MARCHF3: variants seen among roughly 807,000 people sequenced by gnomAD.
MARCHF3 encodes the protein membrane associated ring-CH-type finger 3.
In MARCHF3, 13 loss-of-function variants were observed where a neutral mutation model predicts 24.2. That is an observed-to-expected ratio of 0.54 (90% CI 0.35 to 0.85). MARCHF3 has a LOEUF of 0.85. Ranked by LOEUF, MARCHF3 falls within the 40% of genes least tolerant of loss-of-function variation. The pLI is 0.01. For missense variants in MARCHF3, 276 were observed against 325.0 expected (o/e 0.85, Z 1.16); for synonymous variants, 144 against 137.3 (o/e 1.05, Z -0.34).
chr5:126,931,870 T>C (rs1749489845), intron 1 of MARCHF3, among the ~76,000 whole-genome samples: 1 of 152,094 alleles, frequency 6.6e-6, no homozygotes, highest in African/African-American at 2.4e-5. Flanking sequence ...GGGAAGGCTA[T>C]TTGGTGATAA....
intron 3 of MARCHF3, among the ~76,000 whole-genome samples, chr5:126,911,641 C>T (rs1754535621): frequency 6.6e-6 from 1 of 152,130 alleles, no homozygotes; most frequent in Non-Finnish European, 1.5e-5. Context: ...GAAACTAGCT[C>T]TTGTTATACT....
intron 1 of MARCHF3, among the ~76,000 whole-genome samples, chr5:127,017,302 T>C (rs1209714602): frequency 6.6e-6 from 1 of 152,236 alleles, no homozygotes; most frequent in Non-Finnish European, 1.5e-5. Context: ...TTTAGTCTTA[T>C]AAGTATCTTC....
intron 1 of MARCHF3, among the ~76,000 whole-genome samples, chr5:127,021,585 C>T (rs991939762): frequency 6.6e-6 from 1 of 152,108 alleles, no homozygotes; most frequent in Non-Finnish European, 1.5e-5. Flanking sequence ...CGGTCACTAT[C>T]GGGATTCCAT....
At chr5:126,925,709 C>T (rs993906822) in intron 1 of MARCHF3, among the ~76,000 whole-genome samples, 6 of 152,150 alleles carry the variant, frequency 3.9e-5, no homozygotes, top group African/African-American at 1.4e-4. Flanking sequence ...GGGGGTTGCA[C>T]AGATGAGTTC....
At chr5:127,013,093 A>G (rs927106432) in intron 1 of MARCHF3, among the ~76,000 whole-genome samples, 1 of 152,186 alleles carries the variant, frequency 6.6e-6, no homozygotes, top group Non-Finnish European at 1.5e-5. Flanking sequence ...GTGAATCATA[A>G]TGGACCTTTC....
chr5:126,895,597 G>C (rs915885630), intron 3 of MARCHF3, among the ~76,000 whole-genome samples: 1 of 152,044 alleles, frequency 6.6e-6, no homozygotes, highest in Non-Finnish European at 1.5e-5. Context: ...TGCCCCTGCT[G>C]GGGGGTGCCT....
At chr5:126,927,517 T>C (rs951898857) in intron 1 of MARCHF3, among the ~76,000 whole-genome samples, 2 of 152,238 alleles carry the variant, frequency 1.3e-5, no homozygotes, top group Admixed American at 6.5e-5. Context: ...CCTGCCTGTA[T>C]GGGCACAGCA....
chr5:126,908,414 G>A (rs1480413938), intron 3 of MARCHF3, among the ~76,000 whole-genome samples: 2 of 152,262 alleles, frequency 1.3e-5, no homozygotes, highest in Non-Finnish European at 2.9e-5. Flanking sequence ...CCTGCAGAAT[G>A]TTTTCCAACT....
At chr5:126,900,295 A>G (rs1372376671) in intron 3 of MARCHF3, among the ~76,000 whole-genome samples, 1 of 152,056 alleles carries the variant, frequency 6.6e-6, no homozygotes, top group Non-Finnish European at 1.5e-5. Context: ...CAATGGTCTG[A>G]ATGTTTGTGT....
chr5:126,876,063 CCTAGT>C (rs1165315661), intron 4 of MARCHF3, among the ~76,000 whole-genome samples: 5 of 152,278 alleles, frequency 3.3e-5, no homozygotes, highest in South Asian at 2.1e-4. Flanking sequence ...CCTGAAAGAG[CCTAGT>C]CTAGGTACCT....
chr5:126,896,298 T>C (rs1753909015), intron 3 of MARCHF3, among the ~76,000 whole-genome samples: 1 of 152,160 alleles, frequency 6.6e-6, no homozygotes, highest in South Asian at 2.1e-4. Context: ...AGCTGTAGAC[T>C]GGAGCTGTTC....
chr5:126,913,111 G>C (rs1026917253), intron 3 of MARCHF3, among the ~76,000 whole-genome samples: 1 of 152,236 alleles, frequency 6.6e-6, no homozygotes, highest in Non-Finnish European at 1.5e-5. Context: ...CTGAGACTGA[G>C]AGAGATCACT....
At chr5:126,959,714 G>T (rs559231209) in intron 1 of MARCHF3, among the ~76,000 whole-genome samples, 10 of 152,136 alleles carry the variant, frequency 6.6e-5, no homozygotes, top group African/African-American at 2.4e-4. Context: ...CTACAAAACT[G>T]TTCTAAAAAA....
chr5:126,944,475 C>T (rs1749940906), intron 1 of MARCHF3, among the ~76,000 whole-genome samples: 1 of 152,138 alleles, frequency 6.6e-6, no homozygotes, highest in Non-Finnish European at 1.5e-5. Flanking sequence ...TGTACATGCC[C>T]AGGGGGCTGA....
intron 1 of MARCHF3, among the ~76,000 whole-genome samples, chr5:127,022,106 T>G (rs1305769003): frequency 6.6e-6 from 1 of 152,182 alleles, no homozygotes; most frequent in Non-Finnish European, 1.5e-5. Flanking sequence ...CGGGAGGTGG[T>G]AAGAGTAATT....
intron 1 of MARCHF3, among the ~76,000 whole-genome samples, chr5:126,947,765 C>T (rs1444613386): frequency 6.6e-6 from 1 of 152,024 alleles, no homozygotes; most frequent in Non-Finnish European, 1.5e-5. Context: ...AAAATATCTC[C>T]TCCCCTTCCT....
intron 1 of MARCHF3, among the ~76,000 whole-genome samples, chr5:126,918,566 TAA>T (rs1206547652): frequency 2.6e-5 from 4 of 152,308 alleles, no homozygotes; most frequent in African/African-American, 9.6e-5. Context: ...AGAGAAGCAA[TAA>T]GTTTTTGTTG....
At chr5:127,009,297 T>C (rs958084152) in intron 1 of MARCHF3, among the ~76,000 whole-genome samples, 1 of 152,170 alleles carries the variant, frequency 6.6e-6, no homozygotes, top group Non-Finnish European at 1.5e-5. Context: ...AGAATATTGA[T>C]GTCATTCAGT....
At chr5:127,025,321 A>AG (rs1752959170) in intron 1 of MARCHF3, among the ~76,000 whole-genome samples, 1 of 149,636 alleles carries the variant, frequency 6.7e-6, no homozygotes, top group South Asian at 2.1e-4. Context: ...AAAAAAAAAA[A>AG]AAAAGAAAGA....
Sources: allele counts gnomAD v4.1 joint callset (sites outside exome capture counted in the v4.1 genomes callset), GRCh38; gene constraint gnomAD v4.1.1; transcripts MANE v1.5; gene names NCBI Gene and HGNC (gene_info 2026-07-23, HGNC 2026-07-21).